The following GRIP2 variants were observed in gnomAD, a reference collection of about 807,000 sequenced individuals.
GRIP2 encodes the protein glutamate receptor interacting protein 2.
Under a neutral mutation model 108.3 loss-of-function variants are expected in GRIP2, and 58 were observed. The ratio of observed to expected loss-of-function variants is 0.54; its 90% CI spans 0.43 to 0.67. GRIP2 has a LOEUF of 0.67. Among genes scored for constraint, GRIP2 ranks in the 30% least tolerant of loss-of-function variants. The probability of loss-of-function intolerance (pLI) is 0.00; values close to 1 mark genes in which losing one functional copy is unlikely to be tolerated. For missense variants in GRIP2, 1,278 were observed against 1,430.6 expected (o/e 0.89, Z 1.72); for synonymous variants, 586 against 598.2 (o/e 0.98, Z 0.30).
Position 14,489,451 on chromosome 3 carries a change from A to G in GRIP2, c.*4214T>C, listed in dbSNP as rs1162783338. 1 of 152,608 alleles carries G rather than the reference A, an allele frequency of 6.6e-6. No homozygotes were observed. Among genetic ancestry groups the G allele is most frequent in the Non-Finnish European group, 1.5e-5 (1 of 68,034 alleles). The allele number at this position is 152,608 out of a possible 1,614,324, so 9.5% of individuals were successfully genotyped here. ...CCGTCCAATCCCAGGACGCTCCTCA[A>G]AGGTAGGTATTTTCCCAGGTTAGAG... On this transcript the variant is annotated 3_prime_UTR_variant, in exon 24 of 24. Transcript: ENST00000621039.
chr3:14,540,637 C>T (rs1392795855), upstream of GRIP2, among the ~76,000 whole-genome samples: 6 of 152,112 alleles, frequency 3.9e-5, no homozygotes, highest in Non-Finnish European at 5.9e-5. The surrounding 1 kb of genome is among the most constrained non-coding windows in gnomAD (Gnocchi z 4.1). Context: ...CTTTGGCAAA[C>T]GACTCTTCCC....
In GRIP2 at chr3:14,555,116, C is replaced by T. The variant is rs560343694; in HGVS notation, c.55+784G>A. Among the ~76,000 whole-genome samples, 5 of 152,274 alleles carry T rather than the reference C, an allele frequency of 3.3e-5. No homozygotes were observed. The East Asian group carries it at 5.8e-4, about 18-fold the overall frequency. ...TCCAATCTTGGTCCCACCCTAAGCC[C>T]CTTCCTAGCACTCTGAGGGGCTGAG... On this transcript the variant is annotated intron_variant, in intron 1 of 23. Transcript: ENST00000637182.
the GRIP2 span, among the ~76,000 whole-genome samples, chr3:14,583,198 C>T: frequency 1.3e-5 from 2 of 151,958 alleles, no homozygotes; most frequent in South Asian, 4.1e-4. Context: ...TTTCCTGGCT[C>T]GTGGATGAGT....
rs372925613 is a variant in GRIP2, at chr3:14,512,863, G to T, written c.1640-6C>A. The T allele has an allele frequency of 6.2e-7, 1 of 1,613,592 alleles. No individual in the cohort carries two copies. The highest frequency in any genetic ancestry group is 1.7e-5 in the Admixed American group (1 of 60,020). On this transcript the variant is annotated splice_region_variant and splice_polypyrimidine_tract_variant and intron_variant, in intron 13 of 23. Transcript: ENST00000621039. This position sits in a 1 kb window ranked among gnomAD's most constrained non-coding sequence, Gnocchi z 5.1. ...ACTGCTTGGGATGACGGACTCTGGG[G>T]GTAGATGGACATAAACCGACGTGAG...
the GRIP2 span, among the ~76,000 whole-genome samples, chr3:14,592,439 G>A: frequency 2.6e-5 from 4 of 152,200 alleles, no homozygotes; most frequent in African/African-American, 9.6e-5. Flanking sequence ...AAGAAAGAGG[G>A]TGGGAGGCCA....
the GRIP2 span, chr3:14,574,342 G>T: frequency 2.0e-5 from 20 of 999,406 alleles, no homozygotes; most frequent in Admixed American, 7.1e-5. Flanking sequence ...TTGCGCACCG[G>T]CACAGCGATG....
Position 14,503,599 on chromosome 3 carries a change from T to A in GRIP2, c.2646A>T (p.Ser882=). 1 of 1,611,584 alleles carries A rather than the reference T, an allele frequency of 6.2e-7. No individual in the cohort carries two copies. Among genetic ancestry groups the A allele is most frequent in the African/African-American group, 1.3e-5 (1 of 74,994 alleles). Residue 882 remains serine, a synonymous_variant, in exon 21 of 24, where the codon TCA becomes TCT. Transcript: ENST00000621039. ...CCCTCAGCAGCTCTGACTGACCACATGACTCCAGGTCTTCGAGAGCTTCTC... is the reference window on the plus strand; with the variant it reads ...CCCTCAGCAGCTCTGACTGACCACAAGACTCCAGGTCTTCGAGAGCTTCTC... ...MFGEALEDLE[S]CGQSELLREL...
upstream of GRIP2, chr3:14,541,983 G>A (rs142459183): frequency 1.5e-4 from 197 of 1,352,252 alleles, 2 homozygotes; most frequent in African/African-American, 1.7e-3. Flanking sequence ...CTTCAACCAC[G>A]CGGGAAGGAA....
In GRIP2 at chr3:14,511,203, A is replaced by G. The variant is rs907324387; in HGVS notation, c.1895T>C (p.Leu632Pro). The G allele has an allele frequency of 1.2e-6, 2 of 1,613,816 alleles. No individual in the cohort carries two copies. Among genetic ancestry groups the G allele is most frequent in the African/African-American group, 2.7e-5 (2 of 74,910 alleles). The change falls in exon 16 of 24, where the codon CTG becomes CCG. Residue 632 changes from leucine to proline, a missense_variant. Leu to Pro is a moderately conservative substitution (Grantham distance 98). Coordinates refer to ENST00000621039, the MANE Select transcript of GRIP2 (RefSeq NM_001080423.4). The surrounding 1 kb of genome is among the most constrained non-coding windows in gnomAD (Gnocchi z 4.1). The stretch of plus-strand genomic sequence containing the variant: ...GTCCTTCCGGATCTTCAGCTTCACC[A>G]GGTCCTCGCACTGCCGCAGGATTTG... ...AVQILRQCEDLVKLKIRKDED... is the reference protein window; with the variant it reads ...AVQILRQCEDPVKLKIRKDED...
rs1490379655 is a variant in GRIP2 at position 14,493,501 on chromosome 3, A to G, written c.*164T>C. On this transcript the variant is annotated 3_prime_UTR_variant, in exon 24 of 24. Transcript: ENST00000621039. ...GCAGGACCTCCCTGCCTGGCACCCCAGTCACCACAGACCTGGGGAACAGAG... is the reference window on the plus strand; with the variant it reads ...GCAGGACCTCCCTGCCTGGCACCCCGGTCACCACAGACCTGGGGAACAGAG... 1.2e-6 allele frequency: 1 copy of G among 850,764 alleles called. No homozygotes were observed. Among genetic ancestry groups the G allele is most frequent in the East Asian group, 2.9e-5 (1 of 34,444 alleles). 52.7% of individuals were successfully genotyped at this position (850,764 alleles called of 1,614,324 possible). A position where few individuals can be genotyped will look rare whatever the true frequency, so the allele number is the denominator to read the frequency against.
chr3:14,542,923 A>C (rs190726176), upstream of GRIP2, among the ~76,000 whole-genome samples: 564 of 152,296 alleles, frequency 3.7e-3, 6 homozygotes, highest in African/African-American at 0.012. Context: ...TGGCACCAGC[A>C]CCGCTATTCT....
rs1701359228 is a variant in GRIP2 at position 14,492,513 on chromosome 3, T to C, written c.*1152A>G. 6.6e-6 allele frequency: 1 copy of C among 152,238 alleles called. No individual in the cohort carries two copies. The allele number at this position is 152,238 out of a possible 1,614,324, so 9.4% of individuals were successfully genotyped here. A position where few individuals can be genotyped will look rare whatever the true frequency, so the allele number is the denominator to read the frequency against. Reference sequence around the variant, plus strand: ...TTTAAGGGATGCTGGTGCTTCCAGATTTCAAGTGGGAATAGACTTCTTTGA... The same window carrying C: ...TTTAAGGGATGCTGGTGCTTCCAGACTTCAAGTGGGAATAGACTTCTTTGA... On this transcript the variant is annotated 3_prime_UTR_variant, in exon 24 of 24. Transcript: ENST00000621039.
rs1448953657 is a variant in GRIP2 at position 14,511,585 on chromosome 3, C to T, written c.1721-106G>A. 8 of 1,041,860 alleles carry T rather than the reference C, an allele frequency of 7.7e-6. No individual in the cohort carries two copies. Among genetic ancestry groups the T allele is most frequent in the East Asian group, 2.5e-5 (1 of 39,560 alleles). The allele number at this position is 1,041,860 out of a possible 1,614,324, so 64.5% of individuals were successfully genotyped here. On this transcript the variant is annotated intron_variant, in intron 14 of 23. Transcript: ENST00000621039. This position sits in a 1 kb window ranked among gnomAD's most constrained non-coding sequence, Gnocchi z 4.1. ...GACTCGGAGCCACTGGTCCTACTCA[C>T]ATCCTGGTCCCACTGCTTCCTGGCT...
chr3:14,573,883 G>T, the GRIP2 span: 1 of 1,250,136 alleles, frequency 8.0e-7, no homozygotes, highest in Non-Finnish European at 1.2e-6. Context: ...TCCGAGGTCT[G>T]CAGGCAGCCC....
chr3:14,534,066 ACCCCCTGG>A (rs1694774481), intron 1 of GRIP2, among the ~76,000 whole-genome samples: 1 of 151,768 alleles, frequency 6.6e-6, no homozygotes, highest in Admixed American at 6.6e-5. Flanking sequence ...AGCACCCAAG[ACCCCCTGG>A]CATAGTCAGA....
At chr3:14,503,965 GAC>G in intron 20 of GRIP2, 2 of 435,544 alleles carry the variant, frequency 4.6e-6, no homozygotes, top group Non-Finnish European at 8.4e-6. Flanking sequence ...TAGGAAGAGA[GAC>G]AGAGGACAAA....
intron 1 of GRIP2, among the ~76,000 whole-genome samples, chr3:14,550,801 G>C (rs181947261): frequency 2.6e-5 from 4 of 152,172 alleles, no homozygotes; most frequent in Admixed American, 2.6e-4. Context: ...CCCACTCTGC[G>C]CATGGGCACT....
chr3:14,507,812 C>A lies in GRIP2; in HGVS notation c.2079-112G>T. The A allele has an allele frequency of 8.2e-7, 1 of 1,214,014 alleles. No homozygotes were observed. Among genetic ancestry groups the A allele is most frequent in the Admixed American group, 2.3e-5 (1 of 44,324 alleles). The allele number at this position is 1,214,014 out of a possible 1,614,324, so 75.2% of individuals were successfully genotyped here. ...CACAAAGCAGAAGTCTGGCTGACCC[C>A]AGTTAAACCCAGCTGCCAAAAACAA... On this transcript the variant is annotated intron_variant, in intron 17 of 23. Coordinates refer to ENST00000621039, the MANE Select transcript of GRIP2 (RefSeq NM_001080423.4). The surrounding 1 kb of genome is among the most constrained non-coding windows in gnomAD (Gnocchi z 4.6).
At chr3:14,589,697 T>A in the GRIP2 span, among the ~76,000 whole-genome samples, 1 of 151,560 alleles carries the variant, frequency 6.6e-6, no homozygotes, top group South Asian at 2.1e-4. Flanking sequence ...ACTGTCAAAC[T>A]AACCTCCACG....
Sources: gnomAD v4.1 joint callset for allele counts (sites outside exome capture counted in the v4.1 genomes callset) on GRCh38, gnomAD v4.1.1 for gene constraint, Gnocchi (gnomAD v3.1) non-coding constraint, MANE v1.5 for transcripts, NCBI Gene and HGNC (gene_info 2026-07-23, HGNC 2026-07-21) for gene names.